The following HTR2A variants were observed in gnomAD, a reference collection of about 807,000 sequenced individuals.
HTR2A encodes 5-hydroxytryptamine receptor 2A, also known as 5-HT2 receptor.
HTR2A carries 14 observed loss-of-function variants against 31.0 expected under a neutral mutation model. That is an observed-to-expected ratio of 0.45 (90% confidence interval 0.30 to 0.71). HTR2A has a LOEUF of 0.71. Among genes scored for constraint, HTR2A ranks in the 30% least tolerant of loss-of-function variants. The probability of loss-of-function intolerance (pLI) is 0.09; values close to 1 mark genes in which losing one functional copy is unlikely to be tolerated. For missense variants in HTR2A, 442 were observed against 573.3 expected, an observed-to-expected ratio of 0.77 and a Z score of 2.34; for synonymous variants, 209 against 225.2, an observed-to-expected ratio of 0.93 and a Z score of 0.64.
At chr13:46,849,467 C>T (rs1424476944) in intron 3 of HTR2A, among the ~76,000 whole-genome samples, 1 of 152,168 alleles carries the variant, frequency 6.6e-6, no homozygotes, top group African/African-American at 2.4e-5. Context: ...CTTACTTTGG[C>T]TGCAGGCCCT....
At chr13:46,860,093 G>A (rs1234907859) in intron 3 of HTR2A, among the ~76,000 whole-genome samples, 2 of 151,876 alleles carry the variant, frequency 1.3e-5, no homozygotes, top group African/African-American at 2.4e-5. Context: ...TGCCCTTTTC[G>A]AGGAATTCTC....
intron 3 of HTR2A, among the ~76,000 whole-genome samples, chr13:46,855,327 T>C (rs886692541): frequency 1.1e-4 from 16 of 152,180 alleles, no homozygotes; most frequent in Admixed American, 8.5e-4. Flanking sequence ...AGTTTTTCGG[T>C]TGAAACATGT....
At chr13:46,872,738 T>G (rs986008413) in intron 3 of HTR2A, among the ~76,000 whole-genome samples, 4 of 152,226 alleles carry the variant, frequency 2.6e-5, no homozygotes, top group Non-Finnish European at 5.9e-5. Context: ...GTACATGCAG[T>G]ATAATTCATG....
intron 3 of HTR2A, among the ~76,000 whole-genome samples, chr13:46,859,621 GCACCTCCCT>G (rs1196729688): frequency 2.0e-5 from 3 of 152,068 alleles, no homozygotes; most frequent in African/African-American, 7.2e-5. Flanking sequence ...CAAGTGTGTA[GCACCTCCCT>G]CACCTTCCTC....
intron 3 of HTR2A, among the ~76,000 whole-genome samples, chr13:46,870,935 T>C (rs769350839): frequency 3.3e-5 from 5 of 152,182 alleles, no homozygotes; most frequent in Non-Finnish European, 5.9e-5. Flanking sequence ...TAGTCCAAGT[T>C]CTTTTAACAA....
intron 3 of HTR2A, among the ~76,000 whole-genome samples, chr13:46,862,266 AGAG>A (rs1950785244): frequency 6.6e-6 from 1 of 152,242 alleles, no homozygotes; most frequent in African/African-American, 2.4e-5. Context: ...ATTGTACATT[AGAG>A]GAGATAGGCT....
intron 3 of HTR2A, among the ~76,000 whole-genome samples, chr13:46,844,643 T>C (rs1249168247): frequency 6.6e-6 from 1 of 152,184 alleles, no homozygotes; most frequent in Non-Finnish European, 1.5e-5. Flanking sequence ...GCCCGTTATT[T>C]TTCACAAAGT....
chr13:46,884,639 G>T (rs1249028230), intron 3 of HTR2A, among the ~76,000 whole-genome samples: 1 of 152,116 alleles, frequency 6.6e-6, no homozygotes, highest in African/African-American at 2.4e-5. Context: ...ACTCCAGCCT[G>T]GGCAACAGAG....
intron 3 of HTR2A, among the ~76,000 whole-genome samples, chr13:46,849,170 T>G (rs2138197131): frequency 6.6e-6 from 1 of 152,328 alleles, no homozygotes; most frequent in East Asian, 1.9e-4. Context: ...GCTTAAAAAC[T>G]TAGGAGTCTC....
At chr13:46,889,600 C>T (rs2138251798) in intron 3 of HTR2A, among the ~76,000 whole-genome samples, 1 of 152,188 alleles carries the variant, frequency 6.6e-6, no homozygotes, top group South Asian at 2.1e-4. Context: ...TAGAAATTTA[C>T]CAAGAGAGTG....
At chr13:46,866,855 A>G (rs1950822244) in intron 3 of HTR2A, among the ~76,000 whole-genome samples, 1 of 152,092 alleles carries the variant, frequency 6.6e-6, no homozygotes, top group Admixed American at 6.5e-5. Flanking sequence ...GGTGAAACAT[A>G]TTCTCTACTA....
At chr13:46,850,709 G>C (rs926390577) in intron 3 of HTR2A, among the ~76,000 whole-genome samples, 1 of 152,166 alleles carries the variant, frequency 6.6e-6, no homozygotes, top group Non-Finnish European at 1.5e-5. Context: ...ATCTGTGCTT[G>C]TGTTGCAGGG....
At position 46,835,293 on chromosome 13, in the gene HTR2A, C is replaced by T. The variant is rs1182075115; in HGVS notation, c.960G>A (p.Lys320=). The change falls in exon 4 of 4, where the codon AAG becomes AAA. Residue 320 remains lysine, a synonymous_variant. Coordinates refer to ENST00000542664, the MANE Select transcript of HTR2A (RefSeq NM_000621.5). The stretch of plus-strand genomic sequence containing the variant: ...AGACGATGCCCAGCACCTTGCATGC[C>T]TTTTGCTCATTGCTGATGGACTGCA... ...RTMQSISNEQ[K]ACKVLGIVFF... 5 of 1,614,022 alleles carry T rather than the reference C, an allele frequency of 3.1e-6. No homozygotes were observed. In the African/African-American group the frequency reaches 5.3e-5, roughly 17 times the overall value.
At chr13:46,879,376 G>A (rs60054170) in intron 3 of HTR2A, among the ~76,000 whole-genome samples, 24 of 152,356 alleles carry the variant, frequency 1.6e-4, no homozygotes, top group African/African-American at 5.0e-4. Context: ...TGGAAATGCA[G>A]AAGGGCTTGG....
intron 3 of HTR2A, among the ~76,000 whole-genome samples, chr13:46,884,923 C>A (rs901169433): frequency 2.6e-5 from 4 of 152,106 alleles, no homozygotes; most frequent in African/African-American, 4.8e-5. Flanking sequence ...TTGCTTCTTG[C>A]ATTTAACATT....
intron 3 of HTR2A, among the ~76,000 whole-genome samples, chr13:46,853,756 CT>C (rs1400316790): frequency 1.3e-5 from 2 of 152,184 alleles, no homozygotes; most frequent in Admixed American, 1.3e-4. Context: ...CGACTCTCAG[CT>C]GTCACTCTCA....
rs1029140821 is a variant in HTR2A, at chr13:46,896,183, T to G, written c.-277A>C. Reference sequence around the variant, plus strand: ...CGAGGACAAAAAAGCAGAATGAACTTTTAGCATAGAGGTTGCAGGGTTTTT... The same window carrying G: ...CGAGGACAAAAAAGCAGAATGAACTGTTAGCATAGAGGTTGCAGGGTTTTT... On this transcript the variant is annotated 5_prime_UTR_variant, in exon 2 of 4. Transcript: ENST00000542664. 2 of 1,195,518 alleles carry G rather than the reference T, an allele frequency of 1.7e-6. No individual in the cohort carries two copies. The highest frequency in any genetic ancestry group is 3.2e-5 in the African/African-American group (2 of 63,384). The allele number at this position is 1,195,518 out of a possible 1,614,324, so 74.1% of individuals were successfully genotyped here. A position where few individuals can be genotyped will look rare whatever the true frequency, so the allele number is the denominator to read the frequency against.
At chr13:46,864,744 C>T (rs1417982915) in intron 3 of HTR2A, among the ~76,000 whole-genome samples, 1 of 150,130 alleles carries the variant, frequency 6.7e-6, no homozygotes, top group Non-Finnish European at 1.5e-5. Flanking sequence ...GCACATGGTG[C>T]TGTCAAGTCC....
At chr13:46,894,849 A>G (rs1951088975) in intron 2 of HTR2A, among the ~76,000 whole-genome samples, 1 of 152,222 alleles carries the variant, frequency 6.6e-6, no homozygotes, top group Non-Finnish European at 1.5e-5. Flanking sequence ...GAGTTTATGC[A>G]TATGCATTTT....
Sources: gnomAD v4.1 joint callset for allele counts (sites outside exome capture counted in the v4.1 genomes callset) on GRCh38, gnomAD v4.1.1 for gene constraint, MANE v1.5 for transcripts, NCBI Gene and HGNC (gene_info 2026-07-23, HGNC 2026-07-21) for gene names.